The following ZNF804B variants were observed in gnomAD, a reference collection of about 807,000 sequenced individuals.
ZNF804B encodes the protein zinc finger 804B.
In ZNF804B, 80 loss-of-function variants were observed where a neutral mutation model predicts 101.4. The observed-to-expected ratio is 0.79, with a 90% CI of 0.66 to 0.95. The LOEUF (loss-of-function observed/expected upper bound fraction) is 0.95, where lower values mean the gene tolerates loss of function less well. ZNF804B is among the 40% of genes least tolerant of loss of function. The pLI, the probability that ZNF804B is intolerant of heterozygous loss-of-function variation, is 0.00. For missense variants in ZNF804B, 1,673 were observed against 1,561.9 expected (o/e 1.07, Z -1.20); for synonymous variants, 622 against 558.8 (o/e 1.11, Z -1.59).
intron 1 of ZNF804B, among the ~76,000 whole-genome samples, chr7:88,883,707 GAAGA>G (rs1487765395): frequency 6.6e-6 from 1 of 152,040 alleles, no homozygotes; most frequent in Non-Finnish European, 1.5e-5. Flanking sequence ...GATAGGTCTA[GAAGA>G]AATGCACAGG....
intron 1 of ZNF804B, among the ~76,000 whole-genome samples, chr7:89,031,661 GTT>G (rs200361715): frequency 7.0e-5 from 10 of 143,532 alleles, no homozygotes; most frequent in African/African-American, 2.5e-4. Context: ...TCTGGTTTTT[GTT>G]TTTTTTTTTT....
At chr7:89,307,904 C>A (rs1790589282) in intron 2 of ZNF804B, among the ~76,000 whole-genome samples, 1 of 151,958 alleles carries the variant, frequency 6.6e-6, no homozygotes, top group Non-Finnish European at 1.5e-5. Flanking sequence ...GCCTAATAAC[C>A]TTTTTTCCTC....
intron 2 of ZNF804B, among the ~76,000 whole-genome samples, chr7:89,228,870 G>T (rs1789139834): frequency 6.6e-6 from 1 of 152,196 alleles, no homozygotes; most frequent in Non-Finnish European, 1.5e-5. Flanking sequence ...GAGCAGGTAG[G>T]GGGAGGCTCA....
chr7:88,869,262 T>C (rs1441041464), intron 1 of ZNF804B, among the ~76,000 whole-genome samples: 1 of 152,210 alleles, frequency 6.6e-6, no homozygotes, highest in African/African-American at 2.4e-5. Context: ...ACATGGCATT[T>C]ATTTTTGGTT....
rs1791082156 is a variant in ZNF804B, at chr7:89,336,119, C to T, written c.3137C>T (p.Ala1046Val). 1.2e-6 allele frequency: 2 copies of T among 1,613,664 alleles called. No individual in the cohort carries two copies. Among genetic ancestry groups the T allele is most frequent in the Non-Finnish European group, 8.5e-7 (1 of 1,179,962 alleles). Reference protein sequence around the residue: ...ESQSLNIKRDATTKEQSKPLI... With the variant: ...ESQSLNIKRDVTTKEQSKPLI... ...CAGTCACTAAACATAAAAAGGGATGCAACAACAAAAGAACAATCAAAACCT... is the reference window on the plus strand; with the variant it reads ...CAGTCACTAAACATAAAAAGGGATGTAACAACAAAAGAACAATCAAAACCT... The change falls in exon 4 of 4, where the codon GCA becomes GTA. Residue 1046 changes from alanine (A) to valine (V), a missense_variant. Coordinates refer to ENST00000333190, the MANE Select transcript of ZNF804B (RefSeq NM_181646.5).
chr7:89,179,366 C>T (rs1363470369), intron 1 of ZNF804B, among the ~76,000 whole-genome samples: 5 of 151,370 alleles, frequency 3.3e-5, no homozygotes, highest in African/African-American at 7.3e-5. Context: ...TTGTCTCCTC[C>T]GACTGTCTTT....
intron 1 of ZNF804B, among the ~76,000 whole-genome samples, chr7:88,953,846 A>G (rs760765527): frequency 2.0e-5 from 3 of 151,744 alleles, no homozygotes; most frequent in Non-Finnish European, 2.9e-5. Flanking sequence ...CATAATTTTT[A>G]TTGATTGCAT....
chr7:89,205,211 G>A (rs1788698208), intron 1 of ZNF804B, among the ~76,000 whole-genome samples: 1 of 152,116 alleles, frequency 6.6e-6, no homozygotes, highest in East Asian at 1.9e-4. Flanking sequence ...ATGACACATG[G>A]GGATTATTAT....
chr7:89,178,957 AT>A (rs1788249581), intron 1 of ZNF804B, among the ~76,000 whole-genome samples: 1 of 151,972 alleles, frequency 6.6e-6, no homozygotes, highest in Non-Finnish European at 1.5e-5. Context: ...AAGAGAAAAT[AT>A]TTTTTCCTTC....
intron 1 of ZNF804B, among the ~76,000 whole-genome samples, chr7:89,039,372 A>C (rs1788979777): frequency 6.6e-6 from 1 of 151,670 alleles, no homozygotes; most frequent in South Asian, 2.1e-4. Context: ...GTGTTCTTTA[A>C]ATTTCTTTTA....
At chr7:89,199,599 T>G (rs1283531010) in intron 1 of ZNF804B, among the ~76,000 whole-genome samples, 3 of 151,928 alleles carry the variant, frequency 2.0e-5, no homozygotes, top group Admixed American at 1.3e-4. Flanking sequence ...ATCAAATTGC[T>G]GAGTGCCCCA....
chr7:88,908,381 A>C (rs1792502384), intron 1 of ZNF804B, among the ~76,000 whole-genome samples: 1 of 151,706 alleles, frequency 6.6e-6, no homozygotes, highest in Non-Finnish European at 1.5e-5. Context: ...ACACCTGTAC[A>C]TATAATTTGA....
chr7:89,077,289 A>C (rs1234032111), intron 1 of ZNF804B, among the ~76,000 whole-genome samples: 3 of 152,156 alleles, frequency 2.0e-5, no homozygotes, highest in Non-Finnish European at 4.4e-5. Context: ...CAGAAGGGTA[A>C]TTCGTTGAAT....
intron 1 of ZNF804B, among the ~76,000 whole-genome samples, chr7:89,152,259 T>C (rs1028366915): frequency 2.6e-5 from 4 of 151,746 alleles, no homozygotes; most frequent in Non-Finnish European, 5.9e-5. Context: ...TTTTCTTTTT[T>C]TTTTTGTATT....
chr7:88,890,178 A>G (rs907705992), intron 1 of ZNF804B, among the ~76,000 whole-genome samples: 1 of 152,206 alleles, frequency 6.6e-6, no homozygotes, highest in African/African-American at 2.4e-5. Flanking sequence ...ACACCTTCAC[A>G]TAAGTCCAAA....
intron 2 of ZNF804B, among the ~76,000 whole-genome samples, chr7:89,221,731 A>G (rs1160773455): frequency 6.7e-6 from 1 of 148,690 alleles, no homozygotes; most frequent in Admixed American, 6.7e-5. Flanking sequence ...ATTCTATTCT[A>G]TTCTATTCTA....
At chr7:89,174,020 T>C (rs1280625456) in intron 1 of ZNF804B, among the ~76,000 whole-genome samples, 8 of 152,042 alleles carry the variant, frequency 5.3e-5, no homozygotes, top group Non-Finnish European at 1.0e-4. Flanking sequence ...ATTCAATGTG[T>C]AGTAATTACA....
Position 89,336,442 on chromosome 7 carries a change from G to C in ZNF804B, c.3460G>C (p.Glu1154Gln). The change falls in exon 4 of 4, where the codon GAA (glutamate) becomes CAA (glutamine). Residue 1154 changes from glutamate to glutamine, a missense_variant. Transcript: ENST00000333190. ...ACAGCCCATAACATTTTCTCCTGACGAAATAGATAAATATAAGATCCTACA... is the reference window on the plus strand; with the variant it reads ...ACAGCCCATAACATTTTCTCCTGACCAAATAGATAAATATAAGATCCTACA... ...IQQPITFSPD[E>Q]IDKYKILQLQ... 1 of 1,613,978 alleles carries C rather than the reference G, an allele frequency of 6.2e-7. No homozygotes were observed. Among genetic ancestry groups the C allele is most frequent in the Non-Finnish European group, 8.5e-7 (1 of 1,179,978 alleles).
chr7:89,037,233 T>A (rs760589515), intron 1 of ZNF804B, among the ~76,000 whole-genome samples: 1 of 152,048 alleles, frequency 6.6e-6, no homozygotes, highest in African/African-American at 2.4e-5. Flanking sequence ...GCAATACCAA[T>A]AGAAAATCAA....
Sources: allele counts gnomAD v4.1 joint callset (sites outside exome capture counted in the v4.1 genomes callset), GRCh38; gene constraint gnomAD v4.1.1; transcripts MANE v1.5; gene names NCBI Gene and HGNC (gene_info 2026-07-23, HGNC 2026-07-21).